The following ITPR1 variants were observed in gnomAD, a reference collection of about 807,000 sequenced individuals.
ITPR1 encodes inositol 1,4,5-trisphosphate receptor type 1, also known as inositol 1,4,5-trisphosphate-gated calcium channel ITPR1.
In ITPR1, 96 loss-of-function variants were observed where a neutral mutation model predicts 318.4. The ratio of observed to expected loss-of-function variants is 0.30; its 90% CI spans 0.26 to 0.36. ITPR1 has a LOEUF of 0.36. Among genes scored for constraint, ITPR1 ranks in the 10% least tolerant of loss-of-function variants. ITPR1 has a pLI of 1.00. For missense variants in ITPR1, 2,440 were observed against 3,460.2 expected (o/e 0.71, Z 7.40); for synonymous variants, 1,312 against 1,289.9 (o/e 1.02, Z -0.37).
chr3:4,582,953 C>T (rs1165559283), intron 4 of ITPR1, among the ~76,000 whole-genome samples: 2 of 152,188 alleles, frequency 1.3e-5, no homozygotes, highest in African/African-American at 4.8e-5. Flanking sequence ...AAATCTAAAT[C>T]AGAACCCTAG....
At chr3:4,600,041 C>G (rs976012322) in intron 4 of ITPR1, among the ~76,000 whole-genome samples, 2 of 152,196 alleles carry the variant, frequency 1.3e-5, no homozygotes, top group Non-Finnish European at 2.9e-5. Flanking sequence ...ATTTGCATTT[C>G]CTAGCATTGT....
chr3:4,722,050 T>C (rs1011091374), intron 40 of ITPR1, among the ~76,000 whole-genome samples: 4 of 152,236 alleles, frequency 2.6e-5, no homozygotes, highest in African/African-American at 9.6e-5. Context: ...ATTCAGTTAC[T>C]ACCCAAGGTA....
chr3:4,771,780 G>A (rs1166155020), intron 46 of ITPR1, among the ~76,000 whole-genome samples: 1 of 152,096 alleles, frequency 6.6e-6, no homozygotes, highest in Non-Finnish European at 1.5e-5. Context: ...ATGTTTGAAG[G>A]TATCATAAAG....
intron 44 of ITPR1, among the ~76,000 whole-genome samples, chr3:4,752,390 A>G (rs931512938): frequency 2.6e-5 from 4 of 152,192 alleles, no homozygotes; most frequent in African/African-American, 9.7e-5. Flanking sequence ...GGTAGTTAAC[A>G]GTTAACTCGA....
At chr3:4,722,660 C>T (rs561350310) in intron 40 of ITPR1, among the ~76,000 whole-genome samples, 1 of 152,290 alleles carries the variant, frequency 6.6e-6, no homozygotes, top group African/African-American at 2.4e-5. Context: ...ACATAGCCAA[C>T]ATCCGCATTA....
At chr3:4,776,843 C>T (rs1169999655) in intron 47 of ITPR1, among the ~76,000 whole-genome samples, 1 of 152,152 alleles carries the variant, frequency 6.6e-6, no homozygotes, top group Non-Finnish European at 1.5e-5. Flanking sequence ...GTGCCTTAAA[C>T]AGGAAACTTG....
At chr3:4,814,600 C>CAATGGGGGGG in intron 58 of ITPR1, 38 bp downstream of exon 58, 1 of 512,424 alleles carries the variant, frequency 2.0e-6, no homozygotes, top group Admixed American at 3.3e-5. Context: ...GCAAAGGGGG[C>CAATGGGGGGG]GGGTGGGGTG....
intron 46 of ITPR1, among the ~76,000 whole-genome samples, chr3:4,773,750 G>A (rs2046324858): frequency 6.6e-6 from 1 of 152,224 alleles, no homozygotes; most frequent in South Asian, 2.1e-4. Flanking sequence ...AGGCAGAAAT[G>A]GCTGTGAAAT....
intron 40 of ITPR1, among the ~76,000 whole-genome samples, chr3:4,721,172 G>GTGTATATATATATATATA (rs1356149562): frequency 1.0e-4 from 13 of 125,066 alleles, no homozygotes; most frequent in South Asian, 7.5e-4. Context: ...GTGTGTGCGT[G>GTGTATATATATATATATA]TATATATATA....
chr3:4,844,465 T>C, intron 61 of ITPR1, among the ~76,000 whole-genome samples: 1 of 152,196 alleles, frequency 6.6e-6, no homozygotes, highest in East Asian at 1.9e-4. Context: ...ACACTTGAGA[T>C]TATCCAAATT....
chr3:4,639,461 T>C lies in ITPR1; in HGVS notation c.357T>C (p.Asn119=). The C allele has an allele frequency of 1.3e-6, 2 of 1,578,388 alleles. No individual in the cohort carries two copies. The highest frequency in any genetic ancestry group is 1.7e-6 in the Non-Finnish European group (2 of 1,161,178). ...TGGGGACCGTAATCCAGTATGGCAATGTGATCCAGGTAGGTCAAGGCAGCT... is the reference window on the plus strand; with the variant it reads ...TGGGGACCGTAATCCAGTATGGCAACGTGATCCAGGTAGGTCAAGGCAGCT... ...KLLGTVIQYG[N]VIQLLHLKSN... The change falls in exon 6 of 62, where the codon AAT becomes AAC. Residue 119 remains asparagine (N), a synonymous_variant. Coordinates refer to ENST00000649015, the MANE Select transcript of ITPR1 (RefSeq NM_001378452.1).
chr3:4,665,384 C>G (rs927115170), intron 17 of ITPR1, 88 bp downstream of exon 17: 2 of 1,237,780 alleles, frequency 1.6e-6, no homozygotes, highest in Non-Finnish European at 2.3e-6. Context: ...TGTCACATGT[C>G]TATTTATAGA....
At chr3:4,761,850 A>G (rs985472268) in intron 44 of ITPR1, among the ~76,000 whole-genome samples, 1 of 152,208 alleles carries the variant, frequency 6.6e-6, no homozygotes, top group Non-Finnish European at 1.5e-5. Flanking sequence ...TCCCCACCCA[A>G]GCCCTGCAAA....
chr3:4,499,775 A>G (rs946070916), intron 2 of ITPR1, among the ~76,000 whole-genome samples: 1 of 152,186 alleles, frequency 6.6e-6, no homozygotes, highest in African/African-American at 2.4e-5. Flanking sequence ...TTTGGTAGTT[A>G]GATGTAGAGG....
chr3:4,576,145 T>C (rs1258904632), intron 4 of ITPR1, among the ~76,000 whole-genome samples: 3 of 152,142 alleles, frequency 2.0e-5, no homozygotes, highest in Non-Finnish European at 2.9e-5. Flanking sequence ...ATAATTAATA[T>C]AGGAAACATT....
At chr3:4,597,994 T>A (rs1321608016) in intron 4 of ITPR1, among the ~76,000 whole-genome samples, 1 of 152,258 alleles carries the variant, frequency 6.6e-6, no homozygotes, top group African/African-American at 2.4e-5. Flanking sequence ...ATCCTTCAGC[T>A]TTCCTGCGGT....
chr3:4,656,815 T>C (rs1375009219), intron 12 of ITPR1, among the ~76,000 whole-genome samples: 2 of 152,096 alleles, frequency 1.3e-5, no homozygotes, highest in Non-Finnish European at 2.9e-5. Flanking sequence ...ACAAAGAAAA[T>C]GTGCTTCCTC....
At chr3:4,660,160 A>G (rs1194732181) in intron 13 of ITPR1, among the ~76,000 whole-genome samples, 1 of 152,180 alleles carries the variant, frequency 6.6e-6, no homozygotes, top group Non-Finnish European at 1.5e-5. Flanking sequence ...TGGGTTTTAG[A>G]TCTTTGGAAT....
intron 4 of ITPR1, among the ~76,000 whole-genome samples, chr3:4,536,751 G>A (rs957372204): frequency 2.0e-5 from 3 of 152,204 alleles, no homozygotes; most frequent in African/African-American, 7.2e-5. Context: ...AAAAGTGACA[G>A]CATGCATTTT....
Sources: allele counts gnomAD v4.1 joint callset (sites outside exome capture counted in the v4.1 genomes callset), GRCh38; gene constraint gnomAD v4.1.1; transcripts MANE v1.5; gene names NCBI Gene and HGNC (gene_info 2026-07-23, HGNC 2026-07-21).